Variants in LARP4 observed in about 807,000 individuals in gnomAD.
LARP4 encodes La ribonucleoprotein 4.
LARP4 carries 29 observed loss-of-function variants against 92.9 expected under a neutral mutation model. The observed-to-expected ratio is 0.31, with a 90% CI of 0.23 to 0.43. The LOEUF is 0.43. Ranked by LOEUF, LARP4 falls within the 20% of genes least tolerant of loss-of-function variation. The pLI is 1.00. For missense variants in LARP4, 732 were observed against 860.0 expected, an observed-to-expected ratio of 0.85 and a Z score of 1.86; for synonymous variants, 279 against 284.1, an observed-to-expected ratio of 0.98 and a Z score of 0.18.
rs374440389 is a variant in LARP4 at position 50,473,502 on chromosome 12, A to C, written c.1633A>C (p.Ser545Arg). 3.1e-6 allele frequency: 5 copies of C among 1,613,290 alleles called. No homozygotes were observed. In the African/African-American group the frequency reaches 6.7e-5, roughly 22 times the overall value. Residue 545 changes from serine (S) to arginine (R), a missense_variant, in exon 14 of 16, where the codon AGT (serine) becomes CGT (arginine). Physicochemically the swap from Ser to Arg is moderately radical, Grantham distance 110 (BLOSUM62 -1). This residue lies in a region of LARP4 where 97 missense variants were observed against 85.9 expected (regional missense o/e 1.13). Coordinates refer to ENST00000398473, the MANE Select transcript of LARP4 (RefSeq NM_052879.5). Reference sequence around the variant, plus strand: ...TGCCCAGCAACTCAATATGAGTACCAGTTCTCCATGTGCTGCTGAGCTTAC... The same window carrying C: ...TGCCCAGCAACTCAATATGAGTACCCGTTCTCCATGTGCTGCTGAGCTTAC... ...TSAQQLNMST[S>R]SPCAAELTAL...
intron 14 of LARP4, 74 bp from the exon 15 acceptor site, chr12:50,473,925 G>A (rs906065178): frequency 1.3e-4 from 173 of 1,330,150 alleles, no homozygotes; most frequent in Non-Finnish European, 1.7e-4. Context: ...AAAAAATTAC[G>A]TTTTCTTCTG....
chr12:50,449,777 C>T (rs1233975543), intron 8 of LARP4, among the ~76,000 whole-genome samples: 1 of 151,948 alleles, frequency 6.6e-6, no homozygotes, highest in East Asian at 1.9e-4. Flanking sequence ...GCTTTTATTA[C>T]CAGTTTTTAA....
intron 15 of LARP4, 117 bp downstream of exon 15, chr12:50,474,284 G>C: frequency 1.4e-6 from 1 of 737,828 alleles, no homozygotes; most frequent in Non-Finnish European, 2.2e-6. Context: ...AGTTGGGGCT[G>C]ACTATCAGAA....
chr12:50,462,490 A>AG, intron 11 of LARP4, 92 bp from the exon 12 acceptor site: 1 of 803,554 alleles, frequency 1.2e-6, no homozygotes, highest in East Asian at 2.9e-5. Flanking sequence ...AAAAAAAAAA[A>AG]TGTGTACGGC....
chr12:50,450,603 A>G (rs1953013794), intron 8 of LARP4, among the ~76,000 whole-genome samples: 1 of 152,028 alleles, frequency 6.6e-6, no homozygotes, highest in Non-Finnish European at 1.5e-5. Flanking sequence ...GGTTCAAGCA[A>G]TTCTCCTGCT....
intron 1 of LARP4, among the ~76,000 whole-genome samples, chr12:50,417,977 C>T (rs1210708570): frequency 3.9e-5 from 6 of 152,228 alleles, no homozygotes; most frequent in Non-Finnish European, 7.3e-5. Context: ...TCGCCTGCCT[C>T]AGCCTCCCAA....
intron 6 of LARP4, 52 bp from the exon 7 acceptor site, chr12:50,440,387 G>T: frequency 7.7e-7 from 1 of 1,292,652 alleles, no homozygotes; most frequent in South Asian, 1.2e-5. Context: ...AACAAAAAAT[G>T]CCAATTATTG....
chr12:50,476,922 G>GTAGGGCAGACTGA lies in LARP4; in HGVS notation c.*1059_*1071dup, dbSNP rs1957574497. On this transcript the variant is annotated 3_prime_UTR_variant, in exon 16 of 16. Coordinates refer to ENST00000398473, the MANE Select transcript of LARP4 (RefSeq NM_052879.5). ...ATTTAGAATTTTAGCTCCCAAGATG[G>GTAGGGCAGACTGA]TAGGGCAGACTGACCGTACAGTAAT... 6.6e-6 allele frequency: 1 copy of GTAGGGCAGACTGA among 152,196 alleles called. No individual in the cohort carries two copies. The highest frequency in any genetic ancestry group is 2.4e-5 in the African/African-American group (1 of 41,424). 9.4% of individuals were successfully genotyped at this position (152,196 alleles called of 1,614,324 possible). A position where few individuals can be genotyped will look rare whatever the true frequency, so the allele number is the denominator to read the frequency against.
chr12:50,413,260 A>T (rs376204672), intron 1 of LARP4, among the ~76,000 whole-genome samples: 2 of 152,200 alleles, frequency 1.3e-5, no homozygotes, highest in African/African-American at 4.8e-5. Flanking sequence ...AGTCTAAATG[A>T]AAAGATAGAT....
rs1259798490 is a variant in LARP4, at chr12:50,475,779, G to A, written c.2090G>A (p.Arg697His). The change falls in exon 16 of 16, where the codon CGC becomes CAC. Residue 697 changes from arginine (R) to histidine (H), a missense_variant. Transcript: ENST00000398473. Reference sequence around the variant, plus strand: ...GCAGGAAAAATCAGGGAACAGAGACGCCAGTTTAGCCATAGGGCTATACCT... The same window carrying A: ...GCAGGAAAAATCAGGGAACAGAGACACCAGTTTAGCCATAGGGCTATACCT... The part of the protein sequence containing the change: ...GAAGKIREQR[R>H]QFSHRAIPQG... 17 of 1,613,978 alleles carry A rather than the reference G, an allele frequency of 1.1e-5. No homozygotes were observed. The highest frequency in any genetic ancestry group is 1.4e-5 in the Non-Finnish European group (16 of 1,180,030).
chr12:50,445,826 A>C (rs1042028315), intron 8 of LARP4, among the ~76,000 whole-genome samples: 4 of 152,154 alleles, frequency 2.6e-5, no homozygotes, highest in African/African-American at 9.7e-5. Flanking sequence ...TATTAGAAAC[A>C]TAAATGTTAT....
rs762987529 is a variant in LARP4 at position 50,426,684 on chromosome 12, GGTGTGTGTGTGT to G, written c.19-1042_19-1031del. On this transcript the variant is annotated intron_variant, in intron 1 of 15. Coordinates refer to ENST00000398473, the MANE Select transcript of LARP4 (RefSeq NM_052879.5). Reference sequence around the variant, plus strand: ...GCATGGAACAGGGCATTATGTTTGGGGTGTGTGTGTGTGTGTGTGTGTGTGTGTGTGTGTGTG... The same window carrying G: ...GCATGGAACAGGGCATTATGTTTGGGGTGTGTGTGTGTGTGTGTGTGTGTG... Among the ~76,000 whole-genome samples the G allele has an allele frequency of 3.6e-3, 310 of 86,144 alleles. 5 individuals are homozygous for G. The highest frequency in any genetic ancestry group is 8.5e-3 in the African/African-American group (171 of 20,012). 56.5% of individuals were successfully genotyped at this position (86,144 alleles called of 152,430 possible). A position where few individuals can be genotyped will look rare whatever the true frequency, so the allele number is the denominator to read the frequency against.
At chr12:50,456,410 T>C (rs1362754504) in intron 10 of LARP4, among the ~76,000 whole-genome samples, 2 of 152,152 alleles carry the variant, frequency 1.3e-5, no homozygotes, top group African/African-American at 4.8e-5. Flanking sequence ...ATAAAGACCT[T>C]CTGGACCAGC....
intron 13 of LARP4, among the ~76,000 whole-genome samples, chr12:50,469,452 A>C (rs1249292237): frequency 6.6e-6 from 1 of 152,012 alleles, no homozygotes; most frequent in Admixed American, 6.6e-5. Context: ...GAAATACAAA[A>C]AATTAGCCAG....
chr12:50,449,703 TACTC>T (rs1952806254), intron 8 of LARP4, among the ~76,000 whole-genome samples: 1 of 152,172 alleles, frequency 6.6e-6, no homozygotes. Context: ...TAGAAACTCT[TACTC>T]ATCTTCATTA....
intron 1 of LARP4, among the ~76,000 whole-genome samples, chr12:50,410,777 G>A (rs1342491110): frequency 1.1e-4 from 17 of 152,064 alleles, no homozygotes; most frequent in African/African-American, 2.4e-5. Context: ...TTGTAACTTT[G>A]ATTATATTTT....
At chr12:50,424,388 C>A (rs181773171) in intron 1 of LARP4, among the ~76,000 whole-genome samples, 3 of 148,650 alleles carry the variant, frequency 2.0e-5, no homozygotes, top group African/African-American at 7.4e-5. Context: ...GACAGAGTTT[C>A]GCTCTTGTCG....
At chr12:50,439,775 AT>A (rs916947293) in intron 6 of LARP4, among the ~76,000 whole-genome samples, 29 of 148,872 alleles carry the variant, frequency 1.9e-4, no homozygotes, top group East Asian at 3.9e-4. Context: ...TGTTCACTTA[AT>A]TTTTTTTTTT....
At chr12:50,431,134 GGT>G (rs1949594575) in intron 4 of LARP4, among the ~76,000 whole-genome samples, 1 of 152,074 alleles carries the variant, frequency 6.6e-6, no homozygotes, top group African/African-American at 2.4e-5. Context: ...GGGGCATGGT[GGT>G]GCGTGCCTGT....
Sources: gnomAD v4.1 joint callset for allele counts (sites outside exome capture counted in the v4.1 genomes callset) on GRCh38, gnomAD v4.1.1 for gene constraint, gnomAD v4.1.1 regional missense constraint, MANE v1.5 for transcripts, NCBI Gene and HGNC (gene_info 2026-07-23, HGNC 2026-07-21) for gene names.